The following RNF17 variants were observed in gnomAD, a reference collection of about 807,000 sequenced individuals.
RNF17 encodes the protein spermatogenesis associated 23.
RNF17 carries 31 observed loss-of-function variants against 200.5 expected under a neutral mutation model. That is an observed-to-expected ratio of 0.15 (90% CI 0.12 to 0.21). The LOEUF (loss-of-function observed/expected upper bound fraction) is 0.21, where lower values mean the gene tolerates loss of function less well. RNF17 is among the 10% of genes least tolerant of loss of function. The probability of loss-of-function intolerance (pLI) is 1.00; values close to 1 mark genes in which losing one functional copy is unlikely to be tolerated. For missense variants in RNF17, 1,628 were observed against 1,905.1 expected, an observed-to-expected ratio of 0.85 and a Z score of 2.71; for synonymous variants, 606 against 637.8, an observed-to-expected ratio of 0.95 and a Z score of 0.75.
chr13:24,851,371 G>A, intron 23 of RNF17, 85 bp from the exon 24 acceptor site: 2 of 913,830 alleles, frequency 2.2e-6, no homozygotes, highest in South Asian at 1.5e-5. Flanking sequence ...GAGAAATGTA[G>A]AAGAACTGCC....
At chr13:24,838,228 C>T (rs781641590) in intron 18 of RNF17, among the ~76,000 whole-genome samples, 39 of 152,028 alleles carry the variant, frequency 2.6e-4, no homozygotes, top group Admixed American at 5.2e-4. Flanking sequence ...AAGGACCAGA[C>T]GGATTCACAG....
At chr13:24,800,786 T>C (rs931806407) in intron 13 of RNF17, among the ~76,000 whole-genome samples, 3 of 152,228 alleles carry the variant, frequency 2.0e-5, no homozygotes, top group Admixed American at 2.0e-4. Context: ...AGTAAAGCAG[T>C]AATTTTGGAG....
chr13:24,752,306 TGGC>T, the RNF17 span: 1 of 178,984 alleles, frequency 5.6e-6, no homozygotes, highest in African/African-American at 2.3e-5. Flanking sequence ...ACATGGCCAT[TGGC>T]ACAGGCCAAA....
chr13:24,800,378 C>A lies in RNF17; in HGVS notation c.1602C>A (p.Thr534=). Residue 534 remains threonine, a synonymous_variant, in exon 13 of 36, where the codon ACC becomes ACA. Transcript: ENST00000255324. ...EVLIVTGVVD[T]HVRPEHSAKQ... ...GAATTTCTCCTAGAGTTGTTGATAC[C>A]CATGTGAGACCAGAACACTCTGCTA... The A allele has an allele frequency of 6.3e-7, 1 of 1,587,054 alleles. No individual in the cohort carries two copies. The highest frequency in any genetic ancestry group is 8.6e-7 in the Non-Finnish European group (1 of 1,163,274).
chr13:24,862,630 G>A (rs989805771), intron 27 of RNF17, 83 bp from the exon 28 acceptor site: 2 of 794,616 alleles, frequency 2.5e-6, no homozygotes, highest in Non-Finnish European at 2.2e-6. Context: ...ATTTGTTTAT[G>A]GCTACTTTTG....
chr13:24,881,490 C>T (rs528404926), downstream of RNF17, among the ~76,000 whole-genome samples: 7 of 151,954 alleles, frequency 4.6e-5, no homozygotes, highest in South Asian at 1.0e-3. Context: ...TTTAAAAATC[C>T]TTACCTCTCC....
chr13:24,845,208 A>T, intron 22 of RNF17, 129 bp downstream of exon 22: 1 of 595,284 alleles, frequency 1.7e-6, no homozygotes, highest in Non-Finnish European at 2.9e-6. Context: ...CAAGAGGGAA[A>T]GAGAGAAGTT....
At chr13:24,752,649 C>T in the RNF17 span, among the ~76,000 whole-genome samples, 10 of 152,204 alleles carry the variant, frequency 6.6e-5, no homozygotes, top group Non-Finnish European at 7.3e-5. Context: ...GATGGCCCGC[C>T]GAGGCTGCGG....
the RNF17 span, among the ~76,000 whole-genome samples, chr13:24,888,259 TAAAA>T: frequency 6.6e-6 from 1 of 151,242 alleles, no homozygotes; most frequent in East Asian, 1.9e-4. Flanking sequence ...AAACATACAT[TAAAA>T]AAAACACAAA....
In RNF17 at chr13:24,851,579, C is replaced by G. The variant is rs192659809; in HGVS notation, c.3320+8C>G. The G allele has an allele frequency of 6.1e-5, 97 of 1,579,870 alleles. No homozygotes were observed. In the African/African-American group the frequency reaches 1.2e-3, roughly 19 times the overall value. On this transcript the variant is annotated splice_region_variant and intron_variant, in intron 24 of 35. Coordinates refer to ENST00000255324, the MANE Select transcript of RNF17 (RefSeq NM_031277.3). Reference sequence around the variant, plus strand: ...GGCTTTGAGAGAAAGGAGGTATAGACTTTTTTAAAAAATTTTGACATCAGT... The same window carrying G: ...GGCTTTGAGAGAAAGGAGGTATAGAGTTTTTTAAAAAATTTTGACATCAGT...
intron 9 of RNF17, among the ~76,000 whole-genome samples, chr13:24,791,381 T>C (rs552214216): frequency 4.6e-5 from 7 of 152,246 alleles, no homozygotes; most frequent in African/African-American, 1.7e-4. Context: ...TTGTTACGCT[T>C]TGGTGACTAA....
chr13:24,824,148 T>TA, intron 15 of RNF17: 1 of 706,146 alleles, frequency 1.4e-6, no homozygotes, highest in Non-Finnish European at 2.6e-6. Flanking sequence ...AAATTGCTTT[T>TA]ACTTCATTAG....
intron 5 of RNF17, 101 bp from the exon 6 acceptor site, chr13:24,781,743 T>C (rs181605665): frequency 4.5e-4 from 323 of 718,002 alleles, no homozygotes; most frequent in Non-Finnish European, 6.5e-4. Flanking sequence ...CTTGTGTTAT[T>C]TTGAAGAGTC....
chr13:24,845,096 T>C lies in RNF17; in HGVS notation c.3101+17T>C. 8.8e-7 allele frequency: 1 copy of C among 1,141,760 alleles called. No individual in the cohort carries two copies. The highest frequency in any genetic ancestry group is 1.3e-6 in the Non-Finnish European group (1 of 770,114). 70.7% of individuals were successfully genotyped at this position (1,141,760 alleles called of 1,614,324 possible). On this transcript the variant is annotated intron_variant, in intron 22 of 35. Coordinates refer to ENST00000255324, the MANE Select transcript of RNF17 (RefSeq NM_031277.3). ...TGACATAAGGTAGTTTTTAGCTGAG[T>C]AATTTTCTCATTATTTTAAATATTT...
chr13:24,883,968 T>C, downstream of RNF17: 3 of 1,614,158 alleles, frequency 1.9e-6, no homozygotes, highest in Non-Finnish European at 1.7e-6. Context: ...CATACCGTTG[T>C]ACTCTGACAA....
chr13:24,877,260 T>C (rs1163189127), intron 34 of RNF17, 74 bp downstream of exon 34: 2 of 1,266,808 alleles, frequency 1.6e-6, no homozygotes, highest in African/African-American at 3.0e-5. Context: ...TTTGTTTCTA[T>C]GCAGCGTCTA....
chr13:24,870,357 T>A (rs1455589688), intron 31 of RNF17, among the ~76,000 whole-genome samples: 3 of 152,094 alleles, frequency 2.0e-5, no homozygotes, highest in Admixed American at 6.5e-5. Context: ...GTGCTGGGAT[T>A]ATAGGCATGA....
At chr13:24,840,109 C>A (rs1011139424) in intron 18 of RNF17, among the ~76,000 whole-genome samples, 2 of 151,956 alleles carry the variant, frequency 1.3e-5, no homozygotes, top group East Asian at 1.9e-4. Flanking sequence ...AAATGGCCAA[C>A]AAAGGTATGA....
Position 24,845,058 on chromosome 13 carries a change from A to G in RNF17, c.3080A>G (p.Glu1027Gly), listed in dbSNP as rs1462230496. 5.1e-6 allele frequency: 8 copies of G among 1,556,360 alleles called. No homozygotes were observed. The South Asian group carries it at 8.9e-5, about 17-fold the overall frequency. The change falls in exon 22 of 36, where the codon GAA becomes GGA. Residue 1027 changes from glutamate (E) to glycine (G), a missense_variant. By Grantham distance (98) the Glu-to-Gly change is moderately conservative. Around this residue, in one of 5 missense-constraint regions of RNF17, gnomAD observed 227 missense variants for 319.8 expected, o/e 0.71. Coordinates refer to ENST00000255324, the MANE Select transcript of RNF17 (RefSeq NM_031277.3). ...NLKTMGRLSL[E>G]CSLVDIRPAG... ...AAGACAATGGGAAGACTCTCTTTGG[A>G]ATGTTCTCTGGTTGACATAAGGTAG...
Sources: allele counts gnomAD v4.1 joint callset (sites outside exome capture counted in the v4.1 genomes callset), GRCh38; gene constraint gnomAD v4.1.1; regional missense constraint gnomAD v4.1.1; transcripts MANE v1.5; gene names NCBI Gene and HGNC (gene_info 2026-07-23, HGNC 2026-07-21).